Variants in STXBP5L observed in about 807,000 individuals in gnomAD.
The protein encoded by STXBP5L is syntaxin binding protein 5L.
Under a neutral mutation model 144.5 loss-of-function variants are expected in STXBP5L, and 65 were observed. The ratio of observed to expected loss-of-function variants is 0.45; its 90% confidence interval spans 0.37 to 0.55. The LOEUF is 0.55. STXBP5L is among the 20% of genes least tolerant of loss of function. The pLI is 0.00. For synonymous variants in STXBP5L, 505 were observed against 469.6 expected (o/e 1.08, Z -0.97); for missense variants, 1,298 against 1,405.5 (o/e 0.92, Z 1.22).
At chr3:120,958,466 T>A (rs1331663941) in intron 3 of STXBP5L, among the ~76,000 whole-genome samples, 3 of 152,054 alleles carry the variant, frequency 2.0e-5, no homozygotes, top group Non-Finnish European at 4.4e-5. Context: ...AAAATAGAAT[T>A]TTAGACCAGT....
intron 7 of STXBP5L, among the ~76,000 whole-genome samples, chr3:121,151,569 G>A (rs1277679737): frequency 6.6e-6 from 1 of 152,036 alleles, no homozygotes; most frequent in Non-Finnish European, 1.5e-5. Context: ...CTTACCAATG[G>A]TTTTTTGAAG....
Position 121,360,594 on chromosome 3 carries a change from C to A in STXBP5L, c.2177-18122C>A, listed in dbSNP as rs542194737. Reference sequence around the variant, plus strand: ...TTTTTGGTTTGAGATTACCATGAGGCATGCGAATACTATCTTATAACCCGC... The same window carrying A: ...TTTTTGGTTTGAGATTACCATGAGGAATGCGAATACTATCTTATAACCCGC... On this transcript the variant is annotated intron_variant, in intron 20 of 26. Coordinates refer to ENST00000471454, the MANE Select transcript of STXBP5L (RefSeq NM_001308330.2). Among the ~76,000 whole-genome samples the A allele has an allele frequency of 1.3e-4, 20 of 152,128 alleles. No homozygotes were observed. In the East Asian group the frequency reaches 3.1e-3, roughly 23 times the overall value.
intron 9 of STXBP5L, among the ~76,000 whole-genome samples, chr3:121,168,038 C>G (rs893094164): frequency 4.6e-5 from 7 of 152,154 alleles, no homozygotes; most frequent in Non-Finnish European, 7.4e-5. Context: ...CCCAGGCAAA[C>G]AGGGTCTGGA....
chr3:121,045,529 G>T lies in STXBP5L; in HGVS notation c.464G>T (p.Arg155Leu), dbSNP rs200925938. The T allele has an allele frequency of 6.2e-7, 1 of 1,610,350 alleles. No homozygotes were observed. The highest frequency in any genetic ancestry group is 8.5e-7 in the Non-Finnish European group (1 of 1,178,462). ...ATACTCCATTCTCTTAAATTTAACC[G>T]GGAACGGTAAGAACCTATGAATTAA... ...PAILHSLKFN[R>L]ERITYCHLPF... is the part of the protein sequence containing the mutation. Residue 155 changes from arginine (R) to leucine (L), a missense_variant, in exon 5 of 27, where the codon CGG (arginine) becomes CTG (leucine). Transcript: ENST00000471454.
At chr3:121,198,856 G>A (rs564369356) in intron 9 of STXBP5L, among the ~76,000 whole-genome samples, 2 of 152,186 alleles carry the variant, frequency 1.3e-5, no homozygotes, top group African/African-American at 2.4e-5. Context: ...ATCTGTTTTG[G>A]TTCCAGTACC....
At chr3:120,966,314 G>C (rs1207168746) in intron 3 of STXBP5L, among the ~76,000 whole-genome samples, 1 of 152,186 alleles carries the variant, frequency 6.6e-6, no homozygotes, top group Non-Finnish European at 1.5e-5. Flanking sequence ...GTCCAGCTTT[G>C]TTCCGTTGCT....
chr3:121,017,232 A>T (rs1241435619), intron 3 of STXBP5L, among the ~76,000 whole-genome samples: 1 of 152,186 alleles, frequency 6.6e-6, no homozygotes, highest in Non-Finnish European at 1.5e-5. Flanking sequence ...ATTTGACAAA[A>T]TCTCACACCC....
chr3:121,351,142 G>A (rs941551743), intron 20 of STXBP5L, among the ~76,000 whole-genome samples: 67 of 152,174 alleles, frequency 4.4e-4, no homozygotes, highest in African/African-American at 6.3e-4. Context: ...GTTTTGGTGT[G>A]GATGTCCTTT....
intron 22 of STXBP5L, among the ~76,000 whole-genome samples, chr3:121,394,304 T>C (rs1349155841): frequency 6.6e-6 from 1 of 152,204 alleles, no homozygotes; most frequent in Non-Finnish European, 1.5e-5. Context: ...ATTTATCAAA[T>C]CTAGGAGTCT....
intron 10 of STXBP5L, among the ~76,000 whole-genome samples, chr3:121,209,155 G>A (rs1283378217): frequency 2.0e-5 from 3 of 151,958 alleles, no homozygotes; most frequent in Admixed American, 6.6e-5. Flanking sequence ...CTACATTTTC[G>A]TTATCCAATC....
intron 9 of STXBP5L, among the ~76,000 whole-genome samples, chr3:121,197,739 G>C (rs948108536): frequency 1.3e-5 from 2 of 151,644 alleles, no homozygotes; most frequent in Non-Finnish European, 3.0e-5. Flanking sequence ...CCAATTATGA[G>C]TGAGAGTTTG....
intron 3 of STXBP5L, among the ~76,000 whole-genome samples, chr3:121,023,618 TA>T (rs1945717168): frequency 6.6e-6 from 1 of 151,858 alleles, no homozygotes; most frequent in Non-Finnish European, 1.5e-5. Flanking sequence ...AACAAAAACA[TA>T]AGATGAGGAA....
chr3:121,206,503 T>C (rs1437001969), intron 10 of STXBP5L, among the ~76,000 whole-genome samples: 1 of 152,198 alleles, frequency 6.6e-6, no homozygotes, highest in Non-Finnish European at 1.5e-5. Context: ...TAAAATATTA[T>C]TTTGTGTTTA....
intron 20 of STXBP5L, among the ~76,000 whole-genome samples, chr3:121,319,979 A>T (rs1424611511): frequency 6.6e-6 from 1 of 152,178 alleles, no homozygotes; most frequent in Non-Finnish European, 1.5e-5. Context: ...TAATAATTTT[A>T]AAAGTTTTTT....
chr3:121,237,403 G>A (rs1021757815), intron 12 of STXBP5L, among the ~76,000 whole-genome samples: 3 of 152,170 alleles, frequency 2.0e-5, no homozygotes, highest in African/African-American at 7.2e-5. Flanking sequence ...ACAGGGCAGT[G>A]GTGCCCTAGG....
At chr3:121,320,951 G>A (rs1240717094) in intron 20 of STXBP5L, among the ~76,000 whole-genome samples, 5 of 151,984 alleles carry the variant, frequency 3.3e-5, no homozygotes, top group East Asian at 1.9e-4. Flanking sequence ...TGCCCGCCTC[G>A]GCCTCCCAAA....
intron 3 of STXBP5L, among the ~76,000 whole-genome samples, chr3:120,984,998 C>G (rs1942160719): frequency 6.6e-6 from 1 of 152,018 alleles, no homozygotes; most frequent in Non-Finnish European, 1.5e-5. Flanking sequence ...TCTTGCATCT[C>G]AGGAATAAAT....
intron 9 of STXBP5L, among the ~76,000 whole-genome samples, chr3:121,199,322 C>A (rs576895848): frequency 4.6e-5 from 7 of 152,260 alleles, no homozygotes; most frequent in South Asian, 4.2e-4. Context: ...GATTTTTGCA[C>A]ACTGATTTTG....
At chr3:121,341,123 TA>T (rs2108582232) in intron 20 of STXBP5L, among the ~76,000 whole-genome samples, 1 of 152,186 alleles carries the variant, frequency 6.6e-6, no homozygotes, top group South Asian at 2.1e-4. Flanking sequence ...GACAAGGAAT[TA>T]ATAACCAGAA....
Sources: allele counts gnomAD v4.1 joint callset (sites outside exome capture counted in the v4.1 genomes callset), GRCh38; gene constraint gnomAD v4.1.1; transcripts MANE v1.5; gene names NCBI Gene and HGNC (gene_info 2026-07-23, HGNC 2026-07-21).